GTF2B: variants seen among roughly 807,000 people sequenced by gnomAD.
GTF2B encodes the protein transcription initiation factor IIB.
A neutral mutation model predicts 34.6 loss-of-function variants in GTF2B; 20 were observed. That is an observed-to-expected ratio of 0.58 (90% CI 0.41 to 0.84). The LOEUF is 0.84. Ranked by LOEUF, GTF2B falls within the 40% of genes least tolerant of loss-of-function variation. The pLI is 0.00. For missense variants in GTF2B, 237 were observed against 393.3 expected (o/e 0.60, Z 3.36); for synonymous variants, 142 against 132.4 (o/e 1.07, Z -0.50).
At chr1:88,883,661 C>CA (rs199904224) in intron 2 of GTF2B, among the ~76,000 whole-genome samples, 1,905 of 150,144 alleles carry the variant, frequency 0.013, 26 homozygotes, top group Non-Finnish European at 0.017. Flanking sequence ...GACTCTGTCT[C>CA]AAAAAAAAAG....
chr1:88,877,705 G>A (rs192878731), intron 2 of GTF2B, among the ~76,000 whole-genome samples: 15 of 152,324 alleles, frequency 9.8e-5, no homozygotes, highest in African/African-American at 1.2e-4. Context: ...GCCGAGGCAC[G>A]TGTATCACTT....
chr1:88,853,334 A>C lies in GTF2B; in HGVS notation c.830T>G (p.Ile277Ser). Residue 277 changes from isoleucine to serine, a missense_variant, in exon 7 of 7, where the codon ATT (isoleucine) becomes AGT (serine). Ile to Ser is a moderately radical substitution (Grantham distance 142, BLOSUM62 -2). This residue lies in a region of GTF2B where 78 missense variants were observed against 116.6 expected (regional missense o/e 0.67). Coordinates refer to ENST00000370500, the MANE Select transcript of GTF2B (RefSeq NM_001514.6). ...GATTGTAACATCAGCAACACCAGCAATATCTCCAATTTCTAAAAGACAAAA... is the reference window on the plus strand; with the variant it reads ...GATTGTAACATCAGCAACACCAGCACTATCTCCAATTTCTAAAAGACAAAA... ...EKRTQKEIGD[I>S]AGVADVTIRQ... The C allele has an allele frequency of 6.2e-7, 1 of 1,612,744 alleles. No individual in the cohort carries two copies. Among genetic ancestry groups the C allele is most frequent in the Non-Finnish European group, 8.5e-7 (1 of 1,178,786 alleles).
chr1:88,868,161 G>T (rs1673601111), intron 2 of GTF2B, among the ~76,000 whole-genome samples: 2 of 152,228 alleles, frequency 1.3e-5, no homozygotes, highest in African/African-American at 2.4e-5. Context: ...CTGGAAGAAA[G>T]CTGCGAGACA....
intron 5 of GTF2B, among the ~76,000 whole-genome samples, chr1:88,857,691 C>CTTTTTGTTTTTTTTTT (rs1673345728): frequency 9.2e-6 from 1 of 108,152 alleles, no homozygotes; most frequent in African/African-American, 3.6e-5. Flanking sequence ...TTCATCACAC[C>CTTTTTGTTTTTTTTTT]TTTTTTTTTG....
chr1:88,869,865 C>T (rs916691061), intron 2 of GTF2B, among the ~76,000 whole-genome samples: 2 of 151,792 alleles, frequency 1.3e-5, no homozygotes, highest in Non-Finnish European at 2.9e-5. Context: ...CCTTGTGATC[C>T]GTCCGCCTCG....
intron 5 of GTF2B, chr1:88,858,691 A>T (rs1673372768): frequency 6.6e-6 from 1 of 152,212 alleles, no homozygotes; most frequent in African/African-American, 2.4e-5. Flanking sequence ...TGGATGAATA[A>T]AGGGTTAAGT....
intron 2 of GTF2B, among the ~76,000 whole-genome samples, chr1:88,883,085 T>C (rs1673984929): frequency 6.6e-6 from 1 of 152,232 alleles, no homozygotes; most frequent in South Asian, 2.1e-4. Flanking sequence ...ATAAAAGCAA[T>C]TTGACATTAC....
At chr1:88,861,524 C>T (rs780982553) in intron 3 of GTF2B, among the ~76,000 whole-genome samples, 16 of 152,288 alleles carry the variant, frequency 1.1e-4, no homozygotes, top group Middle Eastern at 3.4e-3. Flanking sequence ...ATTAGCCAGG[C>T]GTGGTGGCAC....
intron 2 of GTF2B, among the ~76,000 whole-genome samples, chr1:88,881,044 G>A (rs1199032924): frequency 6.7e-6 from 1 of 148,174 alleles, no homozygotes; most frequent in African/African-American, 2.5e-5. Flanking sequence ...GTAAGTGAAG[G>A]TACAATTGGT....
chr1:88,883,037 A>G (rs1396379569), intron 2 of GTF2B, among the ~76,000 whole-genome samples: 1 of 152,274 alleles, frequency 6.6e-6, no homozygotes, highest in East Asian at 1.9e-4. Context: ...TGAACATCCT[A>G]TTTTAACTTC....
intron 2 of GTF2B, among the ~76,000 whole-genome samples, chr1:88,882,894 C>T (rs375775336): frequency 6.8e-4 from 104 of 152,236 alleles, no homozygotes; most frequent in African/African-American, 2.4e-3. Context: ...TAGATGGAAC[C>T]CCCTTAACTG....
chr1:88,865,332 T>C (rs1418720599), intron 2 of GTF2B, among the ~76,000 whole-genome samples: 1 of 152,258 alleles, frequency 6.6e-6, no homozygotes, highest in African/African-American at 2.4e-5. Context: ...AAGTGCTCAA[T>C]ATTCACTATT....
chr1:88,863,293 T>C (rs887327266), intron 3 of GTF2B, among the ~76,000 whole-genome samples: 3 of 152,218 alleles, frequency 2.0e-5, no homozygotes, highest in Non-Finnish European at 4.4e-5. Context: ...AGAAAAGAGG[T>C]TACACTAACC....
At chr1:88,866,860 G>T (rs972051524) in intron 2 of GTF2B, among the ~76,000 whole-genome samples, 1 of 152,200 alleles carries the variant, frequency 6.6e-6, no homozygotes, top group African/African-American at 2.4e-5. Flanking sequence ...GAAGGCAGAA[G>T]CAGGACAGTA....
chr1:88,883,195 G>T (rs1673986428), intron 2 of GTF2B, among the ~76,000 whole-genome samples: 1 of 152,156 alleles, frequency 6.6e-6, no homozygotes, highest in African/African-American at 2.4e-5. Context: ...AATTCATTAA[G>T]ACATATTAGC....
Position 88,891,552 on chromosome 1 carries a change from A to C in GTF2B, c.-53T>G. ...AAGACACAACAGACACACCGAAAGC[A>C]GGAAGCGAATGTGGCGAAGAGACGC... On this transcript the variant is annotated 5_prime_UTR_variant, in exon 1 of 7. Transcript: ENST00000370500. 7 of 1,554,808 alleles carry C rather than the reference A, an allele frequency of 4.5e-6. No homozygotes were observed. In the South Asian group the frequency reaches 7.0e-5, roughly 15 times the overall value.
chr1:88,869,725 T>G (rs1345715181), intron 2 of GTF2B, among the ~76,000 whole-genome samples: 1 of 152,122 alleles, frequency 6.6e-6, no homozygotes, highest in Middle Eastern at 3.2e-3. Flanking sequence ...CCTCTGAGGT[T>G]CAAGTAATTC....
intron 3 of GTF2B, among the ~76,000 whole-genome samples, chr1:88,862,738 A>G (rs1253950836): frequency 6.6e-6 from 1 of 152,078 alleles, no homozygotes; most frequent in Non-Finnish European, 1.5e-5. Flanking sequence ...TCCCGGGTTC[A>G]AGCAATTATT....
intron 3 of GTF2B, among the ~76,000 whole-genome samples, chr1:88,863,499 C>A (rs1673489820): frequency 6.6e-6 from 1 of 152,032 alleles, no homozygotes; most frequent in African/African-American, 2.4e-5. Context: ...TGCCCGCCAC[C>A]AAGCCTGGCT....
Sources: allele counts gnomAD v4.1 joint callset (sites outside exome capture counted in the v4.1 genomes callset), GRCh38; gene constraint gnomAD v4.1.1; regional missense constraint gnomAD v4.1.1; transcripts MANE v1.5; gene names NCBI Gene and HGNC (gene_info 2026-07-23, HGNC 2026-07-21).